The following MAP2K5 variants were observed in gnomAD, a reference collection of about 807,000 sequenced individuals.
MAP2K5 encodes mitogen-activated protein kinase kinase 5.
In MAP2K5, 49 loss-of-function variants were observed where a neutral mutation model predicts 83.1. That is an observed-to-expected ratio of 0.59 (90% confidence interval 0.47 to 0.75). The LOEUF is 0.75. MAP2K5 is among the 30% of genes least tolerant of loss of function. The pLI, the probability that MAP2K5 is intolerant of heterozygous loss-of-function variation, is 0.00. For missense variants in MAP2K5, 457 were observed against 557.5 expected, an observed-to-expected ratio of 0.82 and a Z score of 1.82; for synonymous variants, 202 against 191.8, an observed-to-expected ratio of 1.05 and a Z score of -0.44.
At chr15:67,671,819 C>T (rs1257943401) in intron 13 of MAP2K5, among the ~76,000 whole-genome samples, 1 of 115,814 alleles carries the variant, frequency 8.6e-6, no homozygotes, top group African/African-American at 3.3e-5. Flanking sequence ...CCCCTCCCCC[C>T]ACCCCACAAC....
At chr15:67,721,361 G>T (rs147456996) in intron 16 of MAP2K5, among the ~76,000 whole-genome samples, 1 of 152,068 alleles carries the variant, frequency 6.6e-6, no homozygotes, top group Non-Finnish European at 1.5e-5. Flanking sequence ...AGTAGTTGTT[G>T]TTTTTTGTTT....
chr15:67,643,498 G>A (rs545279927), intron 9 of MAP2K5, among the ~76,000 whole-genome samples: 1 of 152,234 alleles, frequency 6.6e-6, no homozygotes, highest in African/African-American at 2.4e-5. Context: ...CCAGACTGGT[G>A]TGCAGTGGCG....
chr15:67,662,568 G>A (rs141640175), intron 12 of MAP2K5, among the ~76,000 whole-genome samples: 5 of 152,190 alleles, frequency 3.3e-5, no homozygotes, highest in African/African-American at 1.2e-4. Context: ...GTGCATATAG[G>A]ATCAGTGGTT....
rs542367442 is a variant in MAP2K5 at position 67,769,807 on chromosome 15, A to C, written c.1196+144A>C. 53 of 673,348 alleles carry C rather than the reference A, an allele frequency of 7.9e-5. No homozygotes were observed. In the East Asian group the frequency reaches 1.2e-3, roughly 16 times the overall value. 41.7% of individuals were successfully genotyped at this position (673,348 alleles called of 1,614,324 possible). On this transcript the variant is annotated intron_variant, in intron 20 of 21. Coordinates refer to ENST00000178640, the MANE Select transcript of MAP2K5 (RefSeq NM_145160.3). The surrounding 1 kb of genome is among the most constrained non-coding windows in gnomAD (Gnocchi z 5.2). ...GGGCCTTGGGCAGATGGGGCAGCAA[A>C]GCTGAAGAAATTGTTTAAATTATGT...
chr15:67,590,655 G>A (rs2085387998), intron 6 of MAP2K5, among the ~76,000 whole-genome samples: 1 of 151,916 alleles, frequency 6.6e-6, no homozygotes, highest in Non-Finnish European at 1.5e-5. Context: ...GCCCTACTAT[G>A]TTGCCCAGGC....
At chr15:67,723,717 G>A (rs2089022704) in intron 16 of MAP2K5, among the ~76,000 whole-genome samples, 1 of 151,632 alleles carries the variant, frequency 6.6e-6, no homozygotes, top group Non-Finnish European at 1.5e-5. Context: ...TGAATTGCTG[G>A]CACTTATATG....
chr15:67,696,602 G>A (rs78713257), intron 15 of MAP2K5, among the ~76,000 whole-genome samples: 3 of 152,012 alleles, frequency 2.0e-5, no homozygotes, highest in Admixed American at 6.6e-5. Context: ...TAAGACTTGG[G>A]TGAAACAGGG....
At chr15:67,658,861 G>T in intron 12 of MAP2K5, 1 of 540,518 alleles carries the variant, frequency 1.9e-6, no homozygotes, top group Non-Finnish European at 3.5e-6. Flanking sequence ...TGGTATTCTT[G>T]TTGACTCGTA....
rs2087679759 is a variant in MAP2K5 at position 67,676,191 on chromosome 15, A to G, written c.847+11546A>G. 6.6e-6 allele frequency among the ~76,000 whole-genome samples: 1 copy of G among 152,202 alleles called. No homozygotes were observed. The highest frequency in any genetic ancestry group is 6.5e-5 in the Admixed American group (1 of 15,272). On this transcript the variant is annotated intron_variant, in intron 13 of 21. Transcript: ENST00000178640. This position sits in a 1 kb window ranked among gnomAD's most constrained non-coding sequence, Gnocchi z 4.8. The stretch of plus-strand genomic sequence containing the variant: ...CTGATCATTGCTTTGTCTCTGACAC[A>G]AACCTGAAGTTTAGGAGCTTATCAG...
intron 3 of MAP2K5, among the ~76,000 whole-genome samples, chr15:67,575,925 T>TCTTTCTTTCTTTCTTTC (rs1352481846): frequency 6.8e-6 from 1 of 146,080 alleles, no homozygotes; most frequent in African/African-American, 2.6e-5. Context: ...TCTTTTTTTT[T>TCTTTCTTTCTTTCTTTC]TTTTTTTTTT....
In MAP2K5 at chr15:67,577,587, TTTTTC is replaced by T. The variant is rs1276588395; in HGVS notation, c.253-3157_253-3153del. On this transcript the variant is annotated intron_variant, in intron 3 of 21. Coordinates refer to ENST00000178640, the MANE Select transcript of MAP2K5 (RefSeq NM_145160.3). This position sits in a 1 kb window ranked among gnomAD's most constrained non-coding sequence, Gnocchi z 4.1. ...GGTCGTTGCTGTTTGTTTCTTTGTT[TTTTTC>T]TTTTCTTTTGGTTTTGGTCATTTCT... 1.3e-5 allele frequency among the ~76,000 whole-genome samples: 2 copies of T among 152,222 alleles called. No individual in the cohort carries two copies. The highest frequency in any genetic ancestry group is 4.8e-5 in the African/African-American group (2 of 41,454).
At position 67,739,453 on chromosome 15, in the gene MAP2K5, TATATATATA is replaced by T. The variant is rs1228093811; in HGVS notation, c.1075-8777_1075-8769del. ...ATATATATATATATATATATATATA[TATATATATA>T]TTTTTTTTTTTTTTTTTTTTTTTTT... On this transcript the variant is annotated intron_variant, in intron 17 of 21. Coordinates refer to ENST00000178640, the MANE Select transcript of MAP2K5 (RefSeq NM_145160.3). Among the ~76,000 whole-genome samples the T allele has an allele frequency of 2.0e-3, 33 of 16,122 alleles. 1 individual carries two copies. The highest frequency in any genetic ancestry group is 0.014 in the East Asian group (5 of 362). 10.6% of individuals were successfully genotyped at this position (16,122 alleles called of 152,430 possible).
At chr15:67,784,529 C>G (rs117049092) in intron 21 of MAP2K5, among the ~76,000 whole-genome samples, 333 of 152,338 alleles carry the variant, frequency 2.2e-3, no homozygotes, top group Non-Finnish European at 3.7e-3. Context: ...GTGGTCGAGG[C>G]AGAGAGCAGA....
chr15:67,693,155 A>G (rs1239373926), intron 14 of MAP2K5, among the ~76,000 whole-genome samples: 2 of 152,220 alleles, frequency 1.3e-5, no homozygotes, highest in Admixed American at 6.5e-5. Flanking sequence ...CTAGTAATGC[A>G]TGGGGCTTCA....
intron 16 of MAP2K5, among the ~76,000 whole-genome samples, chr15:67,703,609 A>ACAGATC (rs2088474953): frequency 6.6e-6 from 1 of 152,224 alleles, no homozygotes; most frequent in African/African-American, 2.4e-5. Flanking sequence ...ACTGTTTATT[A>ACAGATC]CAGATCACCT....
At position 67,748,306 on chromosome 15, in the gene MAP2K5, G is replaced by A. The variant is rs1435242513; in HGVS notation, c.1101+49G>A. 4.7e-6 allele frequency: 7 copies of A among 1,477,656 alleles called. No homozygotes were observed. The African/African-American group carries it at 6.9e-5, about 15-fold the overall frequency. 91.5% of individuals were successfully genotyped at this position (1,477,656 alleles called of 1,614,324 possible). On this transcript the variant is annotated intron_variant, in intron 18 of 21. Transcript: ENST00000178640. This position sits in a 1 kb window ranked among gnomAD's most constrained non-coding sequence, Gnocchi z 4.0. ...AAATTCACTTTTCTTTTTCCTGATG[G>A]CTGCTTCCTTTGCATGCTTGAATGC...
Position 67,783,440 on chromosome 15 carries a change from G to A in MAP2K5, c.1242+10688G>A, listed in dbSNP as rs1378598830. On this transcript the variant is annotated intron_variant, in intron 21 of 21. Transcript: ENST00000178640. This position sits in a 1 kb window ranked among gnomAD's most constrained non-coding sequence, Gnocchi z 5.1. ...TCTTTGCTTGTGCTGTTTTCTCACC[G>A]CCAGATGGTGAACTTCTCCACCTCC... Among the ~76,000 whole-genome samples, 1 of 152,134 alleles carries A rather than the reference G, an allele frequency of 6.6e-6. No individual in the cohort carries two copies. Among genetic ancestry groups the A allele is most frequent in the Non-Finnish European group, 1.5e-5 (1 of 68,030 alleles).
chr15:67,549,854 TAG>T (rs1161357176), intron 1 of MAP2K5, among the ~76,000 whole-genome samples, 178 bp from the exon 2 acceptor site: 3 of 152,262 alleles, frequency 2.0e-5, no homozygotes, highest in African/African-American at 7.2e-5. Flanking sequence ...CTTCCTGGAA[TAG>T]AGCTTTAAAC....
chr15:67,710,423 C>T (rs1408680784), intron 16 of MAP2K5, among the ~76,000 whole-genome samples: 1 of 150,078 alleles, frequency 6.7e-6, no homozygotes, highest in Non-Finnish European at 1.5e-5. Context: ...AATGTCTCAA[C>T]ATAGGTAAAG....
Sources: allele counts gnomAD v4.1 joint callset (sites outside exome capture counted in the v4.1 genomes callset), GRCh38; gene constraint gnomAD v4.1.1; non-coding constraint Gnocchi (gnomAD v3.1); transcripts MANE v1.5; gene names NCBI Gene and HGNC (gene_info 2026-07-23, HGNC 2026-07-21).